DLC1: variants seen among roughly 807,000 people sequenced by gnomAD.
The protein encoded by DLC1 is DLC1 Rho GTPase activating protein, also known as rho GTPase-activating protein 7.
A neutral mutation model predicts 140.3 loss-of-function variants in DLC1; 54 were observed. The ratio of observed to expected loss-of-function variants is 0.38; its 90% CI spans 0.31 to 0.48. The LOEUF (loss-of-function observed/expected upper bound fraction) is 0.48, where lower values mean the gene tolerates loss of function less well. Ranked by LOEUF, DLC1 falls within the 20% of genes least tolerant of loss-of-function variation. The pLI is 0.96. For missense variants in DLC1, 2,536 were observed against 1,907.0 expected (o/e 1.33, Z -6.14); for synonymous variants, 986 against 728.1 (o/e 1.35, Z -5.70).
intron 2 of DLC1, among the ~76,000 whole-genome samples, chr8:13,451,063 A>AAAAAAAAAAGAAAAAAAG (rs1238114425): frequency 6.8e-6 from 1 of 147,558 alleles, no homozygotes; most frequent in Admixed American, 6.8e-5. Flanking sequence ...AAAAAAAAAA[A>AAAAAAAAAAGAAAAAAAG]AAAAAGAAAA....
intron 5 of DLC1, among the ~76,000 whole-genome samples, chr8:13,118,116 C>T (rs1447299723): frequency 6.7e-6 from 1 of 150,026 alleles, no homozygotes; most frequent in Admixed American, 6.7e-5. Flanking sequence ...CTCAAATGAT[C>T]CTCCCACCTC....
intron 2 of DLC1, among the ~76,000 whole-genome samples, chr8:13,466,440 C>T (rs188508372): frequency 6.6e-6 from 1 of 152,224 alleles, no homozygotes; most frequent in Non-Finnish European, 1.5e-5. Context: ...CCAGAGCTCT[C>T]CTACAGAGTC....
rs540089099 is a variant in DLC1, at chr8:13,125,946, C to A, written c.1349-10289G>T. 1.4e-4 allele frequency among the ~76,000 whole-genome samples: 22 copies of A among 152,114 alleles called. No homozygotes were observed. The South Asian group carries it at 4.2e-3, about 29-fold the overall frequency. On this transcript the variant is annotated intron_variant, in intron 5 of 17. Coordinates refer to ENST00000276297, the MANE Select transcript of DLC1 (RefSeq NM_182643.3). ...AGCCTATACCTGGGGTGAAGCCCTGCAAGTGACACTTTAGCCATGTAGAAT... is the reference window on the plus strand; with the variant it reads ...AGCCTATACCTGGGGTGAAGCCCTGAAAGTGACACTTTAGCCATGTAGAAT...
intron 5 of DLC1, among the ~76,000 whole-genome samples, chr8:13,127,686 C>T (rs1360357993): frequency 3.3e-5 from 5 of 152,198 alleles, no homozygotes; most frequent in Admixed American, 2.6e-4. Context: ...TCCGTGGCTT[C>T]CTAAAGTGCT....
chr8:13,230,103 A>C (rs553563117), intron 5 of DLC1, among the ~76,000 whole-genome samples: 2 of 152,344 alleles, frequency 1.3e-5, no homozygotes, highest in Non-Finnish European at 2.9e-5. Flanking sequence ...CTACTTTATG[A>C]GGTTCACTGA....
rs535322790 is a variant in DLC1, at chr8:13,453,258, G to A, written c.1023+45791C>T. On this transcript the variant is annotated intron_variant, in intron 2 of 17. Transcript: ENST00000276297. ...ATAAGCAAGCATTAAGAAGACTAAA[G>A]ATTCATTTTATCAAAAAATTAATAA... Among the ~76,000 whole-genome samples, 25 of 147,450 alleles carry A rather than the reference G, an allele frequency of 1.7e-4. 1 individual carries two copies. The highest frequency in any genetic ancestry group is 1.6e-3 in the Admixed American group (23 of 14,668).
At chr8:13,342,253 C>G (rs1443402778) in intron 4 of DLC1, 6 of 152,036 alleles carry the variant, frequency 3.9e-5, no homozygotes, top group Admixed American at 1.3e-4. Flanking sequence ...ACAGTCACCT[C>G]CTATTTCAGG....
At chr8:13,572,257 T>A (rs1040992429) in intron 1 of DLC1, among the ~76,000 whole-genome samples, 15 of 151,778 alleles carry the variant, frequency 9.9e-5, no homozygotes, top group African/African-American at 3.6e-4. Context: ...GCCCAGCTAA[T>A]TTTTTGTATT....
intron 2 of DLC1, among the ~76,000 whole-genome samples, chr8:13,431,687 CAT>C (rs1838881081): frequency 6.6e-6 from 1 of 150,922 alleles, no homozygotes; most frequent in Admixed American, 6.6e-5. Flanking sequence ...AAAAAAAAAT[CAT>C]GTGTAATTGT....
At chr8:13,273,465 G>A (rs1831031810) in intron 5 of DLC1, among the ~76,000 whole-genome samples, 1 of 152,132 alleles carries the variant, frequency 6.6e-6, no homozygotes, top group Non-Finnish European at 1.5e-5. Context: ...AGAAAAAGGG[G>A]ATCATATATA....
At chr8:13,276,705 G>C (rs111856314) in intron 5 of DLC1, 1 of 735,746 alleles carries the variant, frequency 1.4e-6, no homozygotes, top group Non-Finnish European at 1.7e-6. Flanking sequence ...CTGGGTCCGC[G>C]CCGGGCTGCT....
intron 1 of DLC1, among the ~76,000 whole-genome samples, chr8:13,581,091 A>C (rs1200890039): frequency 2.0e-5 from 3 of 152,232 alleles, no homozygotes; most frequent in Non-Finnish European, 4.4e-5. Context: ...TCTATTACAA[A>C]GTATTTACTA....
chr8:13,105,516 G>A (rs890870826), intron 7 of DLC1, among the ~76,000 whole-genome samples: 2 of 151,966 alleles, frequency 1.3e-5, no homozygotes, highest in African/African-American at 2.4e-5. Context: ...GGAGGTCACA[G>A]ATCTTGTCTA....
At chr8:13,138,829 A>G (rs1822759023) in intron 5 of DLC1, among the ~76,000 whole-genome samples, 1 of 152,196 alleles carries the variant, frequency 6.6e-6, no homozygotes, top group South Asian at 2.1e-4. Flanking sequence ...GGATGAAGAA[A>G]GAGGAGAATA....
chr8:13,121,113 A>C (rs1821021570), intron 5 of DLC1, among the ~76,000 whole-genome samples: 1 of 152,208 alleles, frequency 6.6e-6, no homozygotes, highest in South Asian at 2.1e-4. Flanking sequence ...AATTTTAAGA[A>C]ATTAAAGGAA....
intron 2 of DLC1, among the ~76,000 whole-genome samples, chr8:13,459,961 G>T (rs1563366336): frequency 6.6e-6 from 1 of 152,054 alleles, no homozygotes; most frequent in African/African-American, 2.4e-5. Context: ...AGGACCTCCT[G>T]GTTCTTCTCT....
intron 2 of DLC1, among the ~76,000 whole-genome samples, chr8:13,490,536 T>C (rs1037769609): frequency 1.3e-5 from 2 of 152,184 alleles, no homozygotes; most frequent in Non-Finnish European, 2.9e-5. Flanking sequence ...GGCAGGACTC[T>C]GTTACATAGG....
chr8:13,421,494 A>G (rs1351845817), intron 2 of DLC1, among the ~76,000 whole-genome samples: 4 of 152,182 alleles, frequency 2.6e-5, no homozygotes, highest in Admixed American at 6.5e-5. Context: ...AAAAAAGTCA[A>G]AGTTCCTACG....
In DLC1 at chr8:13,198,514, A is replaced by G. The variant is rs148497801; in HGVS notation, c.1349-82857T>C. On this transcript the variant is annotated intron_variant, in intron 5 of 17. Coordinates refer to ENST00000276297, the MANE Select transcript of DLC1 (RefSeq NM_182643.3). ...TGGTATACTTTTCTATACAAGTAAAACAAATAAAAAACTTTACAAAAAAGT... is the reference window on the plus strand; with the variant it reads ...TGGTATACTTTTCTATACAAGTAAAGCAAATAAAAAACTTTACAAAAAAGT... 5.3e-5 allele frequency among the ~76,000 whole-genome samples: 8 copies of G among 152,346 alleles called. 1 individual carries two copies. The highest frequency in any genetic ancestry group is 1.7e-4 in the African/African-American group (7 of 41,582).
Sources: allele counts gnomAD v4.1 joint callset (sites outside exome capture counted in the v4.1 genomes callset), GRCh38; gene constraint gnomAD v4.1.1; transcripts MANE v1.5; gene names NCBI Gene and HGNC (gene_info 2026-07-23, HGNC 2026-07-21).